The following PDIA5 variants were observed in gnomAD, a reference collection of about 807,000 sequenced individuals.
PDIA5 encodes the protein protein disulfide isomerase family A member 5, also known as protein disulfide-isomerase A5.
In PDIA5, 58 loss-of-function variants were observed where a neutral mutation model predicts 77.6. The ratio of observed to expected loss-of-function variants is 0.75; its 90% CI spans 0.61 to 0.93. PDIA5 has a LOEUF of 0.93. Ranked by LOEUF, PDIA5 falls within the 40% of genes least tolerant of loss-of-function variation. PDIA5 has a pLI of 0.00. For synonymous variants in PDIA5, 250 were observed against 252.1 expected (o/e 0.99, Z 0.08); for missense variants, 630 against 647.7 (o/e 0.97, Z 0.30).
chr3:123,129,946 C>G (rs1454734478), intron 10 of PDIA5, among the ~76,000 whole-genome samples: 2 of 152,176 alleles, frequency 1.3e-5, no homozygotes, highest in African/African-American at 2.4e-5. Context: ...CCTGCACCCC[C>G]ATGTGGCAGC....
At chr3:123,119,630 G>A (rs1160341656) in intron 8 of PDIA5, among the ~76,000 whole-genome samples, 1 of 152,206 alleles carries the variant, frequency 6.6e-6, no homozygotes, top group African/African-American at 2.4e-5. Flanking sequence ...CAGCTCCCCA[G>A]AAACTGGGGA....
At chr3:123,105,795 G>C (rs921424812) in intron 5 of PDIA5, among the ~76,000 whole-genome samples, 1 of 152,168 alleles carries the variant, frequency 6.6e-6, no homozygotes, top group African/African-American at 2.4e-5. Context: ...GCTCGCTGGA[G>C]CGTGGTCAAA....
chr3:123,086,955 T>C (rs893206732), intron 1 of PDIA5, among the ~76,000 whole-genome samples: 1 of 152,224 alleles, frequency 6.6e-6, no homozygotes, highest in Non-Finnish European at 1.5e-5. Flanking sequence ...CAATGCTTGA[T>C]TGTCTTTTGT....
intron 16 of PDIA5, 125 bp downstream of exon 16, chr3:123,161,580 C>T (rs1232250355): frequency 8.4e-6 from 9 of 1,075,688 alleles, no homozygotes; most frequent in South Asian, 1.5e-5. Flanking sequence ...AACACTGCAC[C>T]GAGAGGCCCA....
Position 123,134,259 on chromosome 3 carries a change from G to T in PDIA5, c.910+3643G>T, listed in dbSNP as rs117918853. ...GGCTGGTCTGCTTTGTTGCTTCTATGCCTGTAGTAAGTACCCAGTCAATGT... is the reference window on the plus strand; with the variant it reads ...GGCTGGTCTGCTTTGTTGCTTCTATTCCTGTAGTAAGTACCCAGTCAATGT... On this transcript the variant is annotated intron_variant, in intron 11 of 16. Transcript: ENST00000316218. Among the ~76,000 whole-genome samples the T allele has an allele frequency of 2.0e-4, 30 of 152,240 alleles. No individual in the cohort carries two copies. In the East Asian group the frequency reaches 5.2e-3, roughly 27 times the overall value.
intron 10 of PDIA5, among the ~76,000 whole-genome samples, chr3:123,129,422 G>T (rs549049178): frequency 6.6e-6 from 1 of 152,380 alleles, no homozygotes; most frequent in Non-Finnish European, 1.5e-5. Context: ...CCCGGCTGCG[G>T]AGGGAAGTGG....
chr3:123,127,345 C>G (rs188183666), intron 10 of PDIA5, among the ~76,000 whole-genome samples: 91 of 152,320 alleles, frequency 6.0e-4, no homozygotes, highest in Non-Finnish European at 1.2e-3. Flanking sequence ...TCCTCACTCC[C>G]ATTGGACTCA....
intron 5 of PDIA5, among the ~76,000 whole-genome samples, chr3:123,104,565 C>T (rs1437181041): frequency 6.6e-6 from 1 of 152,276 alleles, no homozygotes; most frequent in Admixed American, 6.5e-5. Flanking sequence ...TGTGCCACGG[C>T]ACCTAGAGAG....
At chr3:123,156,353 C>G (rs1428718624) in intron 15 of PDIA5, among the ~76,000 whole-genome samples, 1 of 152,202 alleles carries the variant, frequency 6.6e-6, no homozygotes, top group African/African-American at 2.4e-5. Context: ...CCCCTCACCC[C>G]CACCAGAAGG....
chr3:123,083,820 T>A (rs973982877), intron 1 of PDIA5, among the ~76,000 whole-genome samples: 4 of 152,140 alleles, frequency 2.6e-5, no homozygotes, highest in Non-Finnish European at 5.9e-5. Flanking sequence ...GGACTGCATC[T>A]TAAGGAAAGG....
intron 13 of PDIA5, among the ~76,000 whole-genome samples, chr3:123,148,394 C>T (rs1935815708): frequency 6.6e-6 from 1 of 151,790 alleles, no homozygotes; most frequent in African/African-American, 2.4e-5. Context: ...ATAGTGAGAC[C>T]CCACCTCTAC....
chr3:123,144,510 T>C (rs1420100131), intron 11 of PDIA5: 1 of 152,274 alleles, frequency 6.6e-6, no homozygotes, highest in Non-Finnish European at 1.5e-5. Flanking sequence ...GTCTGTCATT[T>C]ACACAAAGTG....
intron 5 of PDIA5, among the ~76,000 whole-genome samples, chr3:123,105,124 C>G (rs560133265): frequency 1.7e-4 from 26 of 152,306 alleles, no homozygotes; most frequent in African/African-American, 6.3e-4. Flanking sequence ...CAGGACACCC[C>G]CCAGAGCAAG....
At chr3:123,072,274 C>T (rs1189144016) in intron 1 of PDIA5, among the ~76,000 whole-genome samples, 4 of 152,166 alleles carry the variant, frequency 2.6e-5, no homozygotes, top group Non-Finnish European at 5.9e-5. Context: ...TGGGCCCTGC[C>T]TCAGTTTTCT....
At chr3:123,131,060 C>T (rs1935359790) in intron 11 of PDIA5, among the ~76,000 whole-genome samples, 1 of 152,110 alleles carries the variant, frequency 6.6e-6, no homozygotes, top group African/African-American at 2.4e-5. Flanking sequence ...TTGTTTAAGG[C>T]CAGGAGTTCA....
At chr3:123,105,389 G>A (rs115388113) in intron 5 of PDIA5, among the ~76,000 whole-genome samples, 2,208 of 152,290 alleles carry the variant, frequency 0.014, 49 homozygotes, top group African/African-American at 0.048. Context: ...CTGCAGCTGT[G>A]GGTGAGTGTG....
chr3:123,151,054 A>G (rs747715885), intron 14 of PDIA5, among the ~76,000 whole-genome samples: 1 of 152,252 alleles, frequency 6.6e-6, no homozygotes, highest in Non-Finnish European at 1.5e-5. Context: ...CAGAGAAGCC[A>G]GGCAGCTCCA....
chr3:123,151,835 GCCTGCCTGCCTTCCTT>G (rs1935909376), intron 14 of PDIA5, among the ~76,000 whole-genome samples: 3 of 109,120 alleles, frequency 2.7e-5, no homozygotes, highest in Non-Finnish European at 5.6e-5. Context: ...CTGCCTTCCT[GCCTGCCTGCCTTCCTT>G]CCTGCCCTCC....
At chr3:123,099,114 G>C (rs1576441906) in intron 3 of PDIA5, among the ~76,000 whole-genome samples, 1 of 152,234 alleles carries the variant, frequency 6.6e-6, no homozygotes, top group South Asian at 2.1e-4. Context: ...ACAACTATGA[G>C]AAGGAGGGGA....
Sources: allele counts gnomAD v4.1 joint callset (sites outside exome capture counted in the v4.1 genomes callset), GRCh38; gene constraint gnomAD v4.1.1; transcripts MANE v1.5; gene names NCBI Gene and HGNC (gene_info 2026-07-23, HGNC 2026-07-21).